FRMPD4: variants seen among roughly 807,000 people sequenced by gnomAD.
The protein encoded by FRMPD4 is FERM and PDZ domain containing 4, also known as FERM and PDZ domain-containing protein 4.
A neutral mutation model predicts 94.1 loss-of-function variants in FRMPD4; 22 were observed. That is an observed-to-expected ratio of 0.23 (90% CI 0.17 to 0.33). The LOEUF is 0.33. Ranked by LOEUF, FRMPD4 falls within the 10% of genes least tolerant of loss-of-function variation. The probability of loss-of-function intolerance (pLI) is 1.00; values close to 1 mark genes in which losing one functional copy is unlikely to be tolerated. For missense variants in FRMPD4, 1,111 were observed against 1,339.9 expected (o/e 0.83, Z 2.67); for synonymous variants, 631 against 548.6 (o/e 1.15, Z -2.10).
intron 4 of FRMPD4, among the ~76,000 whole-genome samples, chrX:12,641,435 G>C (rs184397624): frequency 8.9e-6 from 1 of 111,809 alleles, no homozygotes; most frequent in Non-Finnish European, 1.9e-5. Flanking sequence ...AGTAGGCTGA[G>C]GGTATTTCAA....
In FRMPD4 at chrX:12,509,444, T is replaced by C. The variant is rs150797140; in HGVS notation, c.158+10648T>C. ...TTAATGGCATTCACAGCGACCTGGA[T>C]GGGATTGGAGACTATTATTCTAAGT... On this transcript the variant is annotated intron_variant, in intron 2 of 16. Transcript: ENST00000675598. Among the ~76,000 whole-genome samples the C allele has an allele frequency of 3.5e-3, 394 of 111,861 alleles. 3 individuals are homozygous for C. Among genetic ancestry groups the C allele is most frequent in the African/African-American group, 0.012 (376 of 30,807 alleles).
intron 3 of FRMPD4, among the ~76,000 whole-genome samples, chrX:11,925,433 A>G (rs947790904): frequency 1.8e-5 from 2 of 112,148 alleles, no homozygotes; most frequent in African/African-American, 6.5e-5. Context: ...TCTCTACCCC[A>G]AAACAACAGA....
intron 2 of FRMPD4, among the ~76,000 whole-genome samples, chrX:12,582,000 T>C (rs2058870759): frequency 8.9e-6 from 1 of 112,367 alleles, no homozygotes; most frequent in Non-Finnish European, 1.9e-5. Context: ...TTACTATGTC[T>C]CACTAGAATG....
chrX:12,554,201 T>A (rs2058570822), intron 2 of FRMPD4, among the ~76,000 whole-genome samples: 1 of 112,425 alleles, frequency 8.9e-6, no homozygotes, highest in Non-Finnish European at 1.9e-5. Flanking sequence ...AGTATAGTGT[T>A]TTATATAGAC....
chrX:12,140,217 C>G (rs1471269164), intron 1 of FRMPD4, among the ~76,000 whole-genome samples: 1 of 112,394 alleles, frequency 8.9e-6, no homozygotes, highest in Non-Finnish European at 1.9e-5. Context: ...CTTCATGCCA[C>G]TAGCAGATTT....
At chrX:12,544,610 C>T (rs1569327081) in intron 2 of FRMPD4, among the ~76,000 whole-genome samples, 1 of 111,867 alleles carries the variant, frequency 8.9e-6, no homozygotes, top group Non-Finnish European at 1.9e-5. Context: ...GGTGCTGAGA[C>T]TTGGAATGGT....
At chrX:12,065,743 T>G (rs947512672) in intron 3 of FRMPD4, among the ~76,000 whole-genome samples, 1 of 112,491 alleles carries the variant, frequency 8.9e-6, no homozygotes, top group Non-Finnish European at 1.9e-5. Flanking sequence ...TAGACACACC[T>G]TATGATTTGT....
chrX:12,582,310 A>G lies in FRMPD4; in HGVS notation c.159-27411A>G, dbSNP rs578222863. ...GTAATAATAACTGCCTGATGAAAAT[A>G]GTCTTCCAGTTTTCTTCAGACCATC... On this transcript the variant is annotated intron_variant, in intron 2 of 16. Transcript: ENST00000675598. 1.4e-4 allele frequency among the ~76,000 whole-genome samples: 16 copies of G among 112,128 alleles called. 2 individuals carry two copies. The South Asian group carries it at 5.2e-3, about 37-fold the overall frequency.
chrX:12,342,485 C>T (rs2055630482), intron 1 of FRMPD4, among the ~76,000 whole-genome samples: 1 of 111,834 alleles, frequency 8.9e-6, no homozygotes, highest in Non-Finnish European at 1.9e-5. Context: ...TGACCTGGAA[C>T]CGGTGCCCTT....
At chrX:11,844,135 G>C (rs1346597293) in intron 1 of FRMPD4, among the ~76,000 whole-genome samples, 1 of 104,708 alleles carries the variant, frequency 9.6e-6, no homozygotes, top group Non-Finnish European at 2.0e-5. Flanking sequence ...CTACAGGCAT[G>C]CGCCATCACA....
intron 1 of FRMPD4, among the ~76,000 whole-genome samples, chrX:12,424,798 T>A (rs1474608474): frequency 1.8e-5 from 2 of 113,036 alleles, no homozygotes; most frequent in African/African-American, 3.2e-5. Context: ...CATTTTTTAA[T>A]AATCTGAAAG....
intron 4 of FRMPD4, among the ~76,000 whole-genome samples, chrX:12,641,667 T>A (rs1334064719): frequency 2.7e-5 from 3 of 112,618 alleles, no homozygotes; most frequent in Non-Finnish European, 5.6e-5. Flanking sequence ...CCAGTGTTTT[T>A]TTCTAGCCCA....
chrX:12,387,892 G>A (rs1396782861), intron 1 of FRMPD4, among the ~76,000 whole-genome samples: 1 of 108,842 alleles, frequency 9.2e-6, no homozygotes, highest in Non-Finnish European at 1.9e-5. Flanking sequence ...TCTGTGAGTG[G>A]TGTAATTGGC....
chrX:12,354,520 T>G (rs191546679), intron 1 of FRMPD4, among the ~76,000 whole-genome samples: 2 of 112,451 alleles, frequency 1.8e-5, no homozygotes, highest in African/African-American at 6.5e-5. Context: ...TTCATTTTCA[T>G]GGTTTCATGG....
At chrX:12,711,754 C>A (rs2041990346) in intron 14 of FRMPD4, among the ~76,000 whole-genome samples, 1 of 109,848 alleles carries the variant, frequency 9.1e-6, no homozygotes, top group African/African-American at 3.3e-5. Flanking sequence ...TCTCCCTTCC[C>A]CCCAACCCTG....
chrX:12,592,986 TCAATTCTTCCTCC>T (rs2058996869), intron 2 of FRMPD4, among the ~76,000 whole-genome samples: 1 of 111,889 alleles, frequency 8.9e-6, no homozygotes, highest in Non-Finnish European at 1.9e-5. Flanking sequence ...ACCTTTCTCC[TCAATTCTTCCTCC>T]CACTCTAACC....
intron 4 of FRMPD4, among the ~76,000 whole-genome samples, chrX:12,619,882 T>C (rs758803636): frequency 3.6e-5 from 4 of 111,714 alleles, no homozygotes; most frequent in Admixed American, 1.9e-4. Context: ...AACAGCCCCA[T>C]AATTCAGCTC....
intron 3 of FRMPD4, among the ~76,000 whole-genome samples, chrX:11,973,358 C>T (rs1245562485): frequency 8.9e-6 from 1 of 111,881 alleles, no homozygotes; most frequent in Admixed American, 9.5e-5. Context: ...GTGTGTACTG[C>T]CTGAAAAGGA....
rs185501145 is a variant in FRMPD4 at position 12,693,482 on chromosome X, C to A, written c.814-853C>A. Among the ~76,000 whole-genome samples the A allele has an allele frequency of 1.0e-3, 116 of 111,752 alleles. 1 individual carries two copies. The Admixed American group carries it at 0.011, about 10-fold the overall frequency. ...ACTGAAATGAGCCATGGTCCTTAAC[C>A]CTGAAGAACCTGTGGTATATTTTAA... On this transcript the variant is annotated intron_variant, in intron 8 of 16. Coordinates refer to ENST00000675598, the MANE Select transcript of FRMPD4 (RefSeq NM_001368397.1).
Sources: allele counts gnomAD v4.1 joint callset (sites outside exome capture counted in the v4.1 genomes callset), GRCh38; gene constraint gnomAD v4.1.1; transcripts MANE v1.5; gene names NCBI Gene and HGNC (gene_info 2026-07-23, HGNC 2026-07-21).